Variants in FHIT observed in about 807,000 individuals in gnomAD.
The protein encoded by FHIT is fragile histidine triad diadenosine triphosphatase.
A neutral mutation model predicts 17.9 loss-of-function variants in FHIT; 19 were observed. The ratio of observed to expected loss-of-function variants is 1.06; its 90% CI spans 0.74 to 1.56. The LOEUF is 1.56. Ranked by LOEUF, FHIT falls within the 40% of genes most tolerant of loss-of-function variation. The pLI is 0.00. For synonymous variants in FHIT, 81 were observed against 69.7 expected, an observed-to-expected ratio of 1.16 and a Z score of -0.81; for missense variants, 248 against 189.2, an observed-to-expected ratio of 1.31 and a Z score of -1.82.
chr3:60,534,667 G>A (rs979842816), intron 5 of FHIT, among the ~76,000 whole-genome samples: 88 of 152,226 alleles, frequency 5.8e-4, no homozygotes, highest in African/African-American at 2.1e-3. Flanking sequence ...TAATCAGAGA[G>A]GGTTGGATCC....
chr3:60,012,615 G>A (rs975480972), intron 6 of FHIT, among the ~76,000 whole-genome samples: 2 of 152,084 alleles, frequency 1.3e-5, no homozygotes, highest in East Asian at 1.9e-4. Flanking sequence ...TGCACAGAAT[G>A]AGTAAACATT....
intron 5 of FHIT, among the ~76,000 whole-genome samples, chr3:60,471,748 T>G (rs2033098779): frequency 6.6e-6 from 1 of 152,198 alleles, no homozygotes; most frequent in Admixed American, 6.5e-5. Flanking sequence ...TTGGTGTTTC[T>G]GCCGGGGAAC....
chr3:60,202,727 T>A (rs1473268830), intron 5 of FHIT, among the ~76,000 whole-genome samples: 1 of 152,150 alleles, frequency 6.6e-6, no homozygotes, highest in East Asian at 1.9e-4. Flanking sequence ...GAGCTCTGTT[T>A]CCCATCATAA....
At chr3:60,419,841 T>A (rs1702403550) in intron 5 of FHIT, among the ~76,000 whole-genome samples, 1 of 152,168 alleles carries the variant, frequency 6.6e-6, no homozygotes. Context: ...GGGCATAATA[T>A]CATCTATACT....
chr3:60,290,429 G>A (rs1053373201), intron 5 of FHIT, among the ~76,000 whole-genome samples: 14 of 151,954 alleles, frequency 9.2e-5, no homozygotes, highest in African/African-American at 3.1e-4. Flanking sequence ...CCTGCTTGAT[G>A]AGACAAGGCA....
chr3:60,560,844 C>CACACACAGAG lies in FHIT; in HGVS notation c.-17-23866_-17-23865insCTCTGTGTGT, dbSNP rs139684970. 1.3e-4 allele frequency among the ~76,000 whole-genome samples: 16 copies of CACACACAGAG among 122,346 alleles called. No individual in the cohort carries two copies. The East Asian group carries it at 1.7e-3, about 13-fold the overall frequency. 80.3% of individuals were successfully genotyped at this position (122,346 alleles called of 152,430 possible). On this transcript the variant is annotated intron_variant, in intron 4 of 9. Coordinates refer to ENST00000492590, the MANE Select transcript of FHIT (RefSeq NM_002012.4). ...ACACACACACACACACACACACACA[C>CACACACAGAG]AGAGAGAGAGAGAGTGTGTGTGTGT...
chr3:61,111,483 C>T (rs992908501), intron 2 of FHIT, among the ~76,000 whole-genome samples: 2 of 152,142 alleles, frequency 1.3e-5, no homozygotes, highest in African/African-American at 4.8e-5. Context: ...TTTGGTTTCC[C>T]AGGATGAGCA....
intron 8 of FHIT, among the ~76,000 whole-genome samples, chr3:59,885,257 A>G (rs1703571215): frequency 6.6e-6 from 1 of 152,132 alleles, no homozygotes; most frequent in Non-Finnish European, 1.5e-5. Flanking sequence ...CAGCTTCATC[A>G]TGGTTCAACC....
intron 1 of FHIT, among the ~76,000 whole-genome samples, chr3:61,218,830 C>G (rs2106813087): frequency 6.6e-6 from 1 of 152,224 alleles, no homozygotes; most frequent in East Asian, 1.9e-4. Context: ...AATGTATGGC[C>G]TTTATTGTTC....
In FHIT at chr3:60,016,476, C is replaced by G. The variant is rs191760286; in HGVS notation, c.104-2324G>C. 2.0e-3 allele frequency among the ~76,000 whole-genome samples: 298 copies of G among 152,286 alleles called. 1 individual carries two copies. The highest frequency in any genetic ancestry group is 6.7e-3 in the African/African-American group (280 of 41,554). ...GGATTGGGCTGGCAACCTACTCACTCATCCATCCCAACACTGCAGTCTCCT... is the reference window on the plus strand; with the variant it reads ...GGATTGGGCTGGCAACCTACTCACTGATCCATCCCAACACTGCAGTCTCCT... On this transcript the variant is annotated intron_variant, in intron 5 of 9. Transcript: ENST00000492590.
chr3:59,881,899 C>T (rs567418035), intron 8 of FHIT, among the ~76,000 whole-genome samples: 18 of 152,182 alleles, frequency 1.2e-4, no homozygotes, highest in Admixed American at 5.9e-4. Context: ...AGTTTTCTCT[C>T]CAATAAATTA....
intron 4 of FHIT, among the ~76,000 whole-genome samples, chr3:60,616,512 A>G (rs2038955750): frequency 6.6e-6 from 1 of 152,214 alleles, no homozygotes; most frequent in Non-Finnish European, 1.5e-5. Context: ...AAGTTAATAT[A>G]CAAAGTCAAT....
intron 4 of FHIT, among the ~76,000 whole-genome samples, chr3:60,663,153 G>GTGATAC (rs57146494): frequency 1.3e-5 from 1 of 78,192 alleles, no homozygotes; most frequent in African/African-American, 5.4e-5. Context: ...ATTGGGTGGA[G>GTGATAC]ATATATATCT....
At chr3:61,229,460 G>A (rs957084617) in intron 1 of FHIT, among the ~76,000 whole-genome samples, 1 of 152,144 alleles carries the variant, frequency 6.6e-6, no homozygotes, top group Non-Finnish European at 1.5e-5. Flanking sequence ...AATTTCTGTT[G>A]TTTTAAGCCA....
intron 7 of FHIT, among the ~76,000 whole-genome samples, chr3:59,974,803 G>A (rs539436982): frequency 5.3e-5 from 8 of 152,132 alleles, no homozygotes; most frequent in African/African-American, 9.6e-5. Context: ...TAAGGTTGTC[G>A]GGGGAGATAT....
intron 5 of FHIT, among the ~76,000 whole-genome samples, chr3:60,147,420 A>G (rs1292222009): frequency 3.3e-5 from 5 of 152,152 alleles, no homozygotes; most frequent in Non-Finnish European, 7.4e-5. Flanking sequence ...TCCTGCCCTC[A>G]AACTGTGAGG....
intron 5 of FHIT, among the ~76,000 whole-genome samples, chr3:60,137,514 C>G (rs1699865366): frequency 6.6e-6 from 1 of 152,188 alleles, no homozygotes; most frequent in African/African-American, 2.4e-5. Context: ...AGCTAGCTGC[C>G]AGACACTCTT....
chr3:60,229,439 AAAAAG>A (rs1038801016), intron 5 of FHIT, among the ~76,000 whole-genome samples: 2 of 151,512 alleles, frequency 1.3e-5, no homozygotes, highest in Non-Finnish European at 2.9e-5. Context: ...AAAAAAAAAG[AAAAAG>A]AAAAGAAAAG....
At chr3:60,064,313 C>G (rs149964841) in intron 5 of FHIT, among the ~76,000 whole-genome samples, 1 of 152,158 alleles carries the variant, frequency 6.6e-6, no homozygotes, top group African/African-American at 2.4e-5. Context: ...CACTGAACTC[C>G]GAAATGGGTG....
Sources: gnomAD v4.1 joint callset for allele counts (sites outside exome capture counted in the v4.1 genomes callset) on GRCh38, gnomAD v4.1.1 for gene constraint, MANE v1.5 for transcripts, NCBI Gene and HGNC (gene_info 2026-07-23, HGNC 2026-07-21) for gene names.